The following AGBL4 variants were observed in gnomAD, a reference collection of about 807,000 sequenced individuals.
AGBL4 encodes AGBL carboxypeptidase 4.
Under a neutral mutation model 66.4 loss-of-function variants are expected in AGBL4, and 58 were observed. The ratio of observed to expected loss-of-function variants is 0.87; its 90% confidence interval spans 0.71 to 1.09. The LOEUF (loss-of-function observed/expected upper bound fraction) is 1.09. AGBL4 is among the 50% of genes least tolerant of loss of function. AGBL4 has a pLI of 0.00. For synonymous variants in AGBL4, 234 were observed against 222.9 expected (o/e 1.05, Z -0.44); for missense variants, 579 against 631.0 (o/e 0.92, Z 0.88).
Position 49,910,409 on chromosome 1 carries a change from C to T in AGBL4, c.35-58891G>A, listed in dbSNP as rs145657256. Among the ~76,000 whole-genome samples, 3 of 152,122 alleles carry T rather than the reference C, an allele frequency of 2.0e-5. No homozygotes were observed. The East Asian group carries it at 5.8e-4, about 30-fold the overall frequency. ...ACAAGAGCTTCAGTGGAGTAGTGGGCAATGAAAGCCTGATTGGAGCAGGTT... is the reference window on the plus strand; with the variant it reads ...ACAAGAGCTTCAGTGGAGTAGTGGGTAATGAAAGCCTGATTGGAGCAGGTT... On this transcript the variant is annotated intron_variant, in intron 1 of 13. Coordinates refer to ENST00000371839, the MANE Select transcript of AGBL4 (RefSeq NM_032785.4).
At chr1:48,775,761 G>A (rs1048380451) in intron 6 of AGBL4, among the ~76,000 whole-genome samples, 1 of 152,220 alleles carries the variant, frequency 6.6e-6, no homozygotes, top group African/African-American at 2.4e-5. Flanking sequence ...CTGAACCTCA[G>A]TACCCTCATC....
chr1:48,916,694 G>A (rs1197938942), intron 5 of AGBL4, among the ~76,000 whole-genome samples: 1 of 152,198 alleles, frequency 6.6e-6, no homozygotes, highest in African/African-American at 2.4e-5. Context: ...CAGGGCATTT[G>A]TGACAGGTTT....
At chr1:49,555,925 T>C (rs1338641777) in intron 3 of AGBL4, among the ~76,000 whole-genome samples, 2 of 152,132 alleles carry the variant, frequency 1.3e-5, no homozygotes, top group African/African-American at 2.4e-5. Context: ...TTTGACACTG[T>C]TGGTGGGACT....
At chr1:49,974,826 T>G (rs904688257) in intron 1 of AGBL4, among the ~76,000 whole-genome samples, 5 of 152,196 alleles carry the variant, frequency 3.3e-5, no homozygotes, top group African/African-American at 1.2e-4. Flanking sequence ...TGAATTCTTT[T>G]GACATTTTAT....
rs545980718 is a variant in AGBL4 at position 49,514,441 on chromosome 1, C to T, written c.282+182872G>A. Among the ~76,000 whole-genome samples, 407 of 151,940 alleles carry T rather than the reference C, an allele frequency of 2.7e-3. 3 individuals carry two copies. Among genetic ancestry groups the T allele is most frequent in the African/African-American group, 9.5e-3 (393 of 41,476 alleles). The stretch of plus-strand genomic sequence containing the variant: ...GCTCATGGGTAGGAAGAATCAATAT[C>T]GTGAAAATGGCCATACTGCCCAAGG... On this transcript the variant is annotated intron_variant, in intron 3 of 13. Coordinates refer to ENST00000371839, the MANE Select transcript of AGBL4 (RefSeq NM_032785.4).
chr1:49,920,857 A>G lies in AGBL4; in HGVS notation c.35-69339T>C, dbSNP rs370995321. On this transcript the variant is annotated intron_variant, in intron 1 of 13. Coordinates refer to ENST00000371839, the MANE Select transcript of AGBL4 (RefSeq NM_032785.4). ...GAACGAATCCACTGTCCATCAATGAAAGACTGGATTAAGAAAATGTGGCAC... is the reference window on the plus strand; with the variant it reads ...GAACGAATCCACTGTCCATCAATGAGAGACTGGATTAAGAAAATGTGGCAC... Among the ~76,000 whole-genome samples, 210 of 152,306 alleles carry G rather than the reference A, an allele frequency of 1.4e-3. 1 individual carries two copies. The highest frequency in any genetic ancestry group is 4.7e-3 in the African/African-American group (197 of 41,582).
At chr1:49,313,582 T>C (rs1052608850) in intron 3 of AGBL4, among the ~76,000 whole-genome samples, 3 of 152,242 alleles carry the variant, frequency 2.0e-5, no homozygotes, top group Non-Finnish European at 4.4e-5. Flanking sequence ...TGGCATGAGA[T>C]AGTACCTCAT....
At chr1:49,002,877 G>C (rs2148993007) in intron 5 of AGBL4, among the ~76,000 whole-genome samples, 1 of 152,296 alleles carries the variant, frequency 6.6e-6, no homozygotes, top group Admixed American at 6.5e-5. Flanking sequence ...ACTTTTGCAT[G>C]CATAGATGCA....
At chr1:49,322,161 T>C (rs1050473466) in intron 3 of AGBL4, among the ~76,000 whole-genome samples, 13 of 152,230 alleles carry the variant, frequency 8.5e-5, no homozygotes, top group African/African-American at 3.1e-4. Flanking sequence ...GACTAGAGCA[T>C]AGCTAGTTTT....
At chr1:48,537,413 A>G (rs540593540) in intron 12 of AGBL4, among the ~76,000 whole-genome samples, 47 of 152,290 alleles carry the variant, frequency 3.1e-4, no homozygotes, top group Admixed American at 1.5e-3. Context: ...ATGAACAGTT[A>G]AACTCAGGGC....
chr1:48,800,619 G>A (rs1314343930), intron 6 of AGBL4, among the ~76,000 whole-genome samples: 2 of 152,054 alleles, frequency 1.3e-5, no homozygotes, highest in African/African-American at 2.4e-5. Context: ...TTTTTGATGT[G>A]GGCATTTAAT....
intron 6 of AGBL4, among the ~76,000 whole-genome samples, chr1:48,850,456 C>T (rs1399161010): frequency 6.6e-6 from 1 of 152,180 alleles, no homozygotes; most frequent in African/African-American, 2.4e-5. Flanking sequence ...TGTCTCAGGC[C>T]CCATGACTAT....
intron 3 of AGBL4, among the ~76,000 whole-genome samples, chr1:49,554,635 C>T (rs1653254635): frequency 6.6e-6 from 1 of 152,166 alleles, no homozygotes. Context: ...CATCAATTGT[C>T]CCGCCCACAA....
At position 49,158,260 on chromosome 1, in the gene AGBL4, T is replaced by A. The variant is rs1390059216; in HGVS notation, c.377+87510A>T. ...AACCTAGGCAATACCATTCAGGACA[T>A]AGACATGGGCAAAGACTTCATGACA... is the stretch of plus-strand genomic sequence containing the variant. On this transcript the variant is annotated intron_variant, in intron 4 of 13. Coordinates refer to ENST00000371839, the MANE Select transcript of AGBL4 (RefSeq NM_032785.4). Among the ~76,000 whole-genome samples, 4 of 152,108 alleles carry A rather than the reference T, an allele frequency of 2.6e-5. No homozygotes were observed. In the East Asian group the frequency reaches 7.7e-4, roughly 29 times the overall value.
At chr1:48,775,651 G>A (rs1645041970) in intron 6 of AGBL4, among the ~76,000 whole-genome samples, 1 of 152,076 alleles carries the variant, frequency 6.6e-6, no homozygotes, top group Non-Finnish European at 1.5e-5. Context: ...TGGGAAAGAG[G>A]GCCAGCTGTC....
rs1392813465 is a variant in AGBL4, at chr1:48,750,866, T to C, written c.635-87625A>G. ...ACGAGGTGAACTCTGGGGTTCCTTA[T>C]AGGACTAAGGTCCTAGGACTCTAAG... is the stretch of plus-strand genomic sequence containing the variant. On this transcript the variant is annotated intron_variant, in intron 6 of 13. Transcript: ENST00000371839. 1.2e-4 allele frequency among the ~76,000 whole-genome samples: 18 copies of C among 152,224 alleles called. No homozygotes were observed. The East Asian group carries it at 2.5e-3, about 21-fold the overall frequency.
At chr1:49,747,559 C>T (rs1377654525) in intron 2 of AGBL4, among the ~76,000 whole-genome samples, 1 of 152,012 alleles carries the variant, frequency 6.6e-6, no homozygotes, top group Non-Finnish European at 1.5e-5. Flanking sequence ...TTTTCCTAAC[C>T]CAAAATGATC....
At chr1:49,162,955 C>G (rs1342906814) in intron 4 of AGBL4, among the ~76,000 whole-genome samples, 1 of 152,176 alleles carries the variant, frequency 6.6e-6, no homozygotes, top group African/African-American at 2.4e-5. Context: ...AATTCTGAAA[C>G]TCCTCCTTCT....
At chr1:49,706,810 T>A (rs1302431064) in intron 2 of AGBL4, among the ~76,000 whole-genome samples, 2 of 152,188 alleles carry the variant, frequency 1.3e-5, no homozygotes, top group Non-Finnish European at 2.9e-5. Flanking sequence ...TACCCAGTAG[T>A]CACTCAGGAG....
Sources: allele counts gnomAD v4.1 joint callset (sites outside exome capture counted in the v4.1 genomes callset), GRCh38; gene constraint gnomAD v4.1.1; transcripts MANE v1.5; gene names NCBI Gene and HGNC (gene_info 2026-07-23, HGNC 2026-07-21).